The following ATOSA variants were observed in gnomAD, a reference collection of about 807,000 sequenced individuals.
ATOSA encodes the protein atos homolog protein A.
the ATOSA span, among the ~76,000 whole-genome samples, chr15:52,607,366 G>T: frequency 1.3e-5 from 2 of 152,168 alleles, no homozygotes; most frequent in African/African-American, 4.8e-5. Context: ...TTTGCTCTAA[G>T]AATTGTTTAT....
At chr15:52,581,928 A>T in the ATOSA span, 7 of 387,444 alleles carry the variant, frequency 1.8e-5, no homozygotes, top group Admixed American at 4.5e-5. Flanking sequence ...CTATTGCAAC[A>T]TGTCCAATGA....
chr15:52,640,402 C>T, the ATOSA span, among the ~76,000 whole-genome samples: 1 of 151,482 alleles, frequency 6.6e-6, no homozygotes, highest in Admixed American at 6.6e-5. Context: ...CCCGACTCTA[C>T]TAAAAATACA....
At chr15:52,704,442 A>G in the ATOSA span, among the ~76,000 whole-genome samples, 5 of 152,218 alleles carry the variant, frequency 3.3e-5, no homozygotes, top group African/African-American at 1.2e-4. Flanking sequence ...GGACATAGGC[A>G]TGGGCAAAGG....
At chr15:52,593,407 C>A in the ATOSA span, 1 of 577,110 alleles carries the variant, frequency 1.7e-6, no homozygotes, top group African/African-American at 1.9e-5. Context: ...AAGAGGTTAT[C>A]TGTTGTTTGA....
the ATOSA span, among the ~76,000 whole-genome samples, chr15:52,583,638 G>A: frequency 1.3e-5 from 2 of 152,116 alleles, no homozygotes; most frequent in Admixed American, 6.5e-5. Context: ...CACCCACCTC[G>A]GCCTCCCAGA....
chr15:52,699,769 G>A, the ATOSA span, among the ~76,000 whole-genome samples: 1 of 152,080 alleles, frequency 6.6e-6, no homozygotes, highest in Non-Finnish European at 1.5e-5. Context: ...GTGGGAGTGT[G>A]CCCAGGTTAA....
chr15:52,617,535 A>AT, the ATOSA span, among the ~76,000 whole-genome samples: 2 of 152,170 alleles, frequency 1.3e-5, no homozygotes, highest in Admixed American at 1.3e-4. Flanking sequence ...TTAAATAATG[A>AT]TTTTGAAATT....
the ATOSA span, chr15:52,584,967 A>C: frequency 2.6e-6 from 4 of 1,542,810 alleles, no homozygotes; most frequent in Non-Finnish European, 3.5e-6. Flanking sequence ...TATAGAAATT[A>C]TTCTTTAAAA....
chr15:52,642,735 T>C, the ATOSA span, among the ~76,000 whole-genome samples: 2 of 152,276 alleles, frequency 1.3e-5, no homozygotes, highest in East Asian at 3.9e-4. Flanking sequence ...CATATCTGAC[T>C]CCTCACCATT....
the ATOSA span, among the ~76,000 whole-genome samples, chr15:52,697,985 T>C: frequency 5.5e-5 from 7 of 126,604 alleles, no homozygotes; most frequent in Non-Finnish European, 1.1e-4. Flanking sequence ...TTTTTTTTTT[T>C]TTTTTTTGTG....
chr15:52,692,548 T>G, the ATOSA span, among the ~76,000 whole-genome samples: 42 of 152,272 alleles, frequency 2.8e-4, no homozygotes, highest in Admixed American at 2.1e-3. Context: ...GAGACAGGGT[T>G]TCACCATATT....
the ATOSA span, chr15:52,593,557 T>C: frequency 1.3e-6 from 2 of 1,538,234 alleles, no homozygotes; most frequent in Non-Finnish European, 1.8e-6. Flanking sequence ...CAGGAAAACA[T>C]ACAATATAAA....
At chr15:52,590,865 C>T in the ATOSA span, 16 of 152,288 alleles carry the variant, frequency 1.1e-4, no homozygotes, top group Non-Finnish European at 2.2e-4. Context: ...ATAGTTGACT[C>T]AAGAATGTTA....
At chr15:52,709,561 ACG>A in the ATOSA span, among the ~76,000 whole-genome samples, 1 of 152,152 alleles carries the variant, frequency 6.6e-6, no homozygotes, top group Non-Finnish European at 1.5e-5. Context: ...CCAAGACTGC[ACG>A]CAGCTTCCAC....
the ATOSA span, among the ~76,000 whole-genome samples, chr15:52,602,646 C>T: frequency 6.6e-6 from 1 of 152,116 alleles, no homozygotes; most frequent in Non-Finnish European, 1.5e-5. Flanking sequence ...GAACCCCTAC[C>T]ATGTGTGGCT....
At chr15:52,708,804 G>A in the ATOSA span, among the ~76,000 whole-genome samples, 3 of 151,976 alleles carry the variant, frequency 2.0e-5, no homozygotes, top group Admixed American at 2.0e-4. Context: ...CTAACATATT[G>A]TGGAGGCTAC....
chr15:52,606,446 C>G, the ATOSA span, among the ~76,000 whole-genome samples: 2 of 152,244 alleles, frequency 1.3e-5, no homozygotes, highest in Admixed American at 6.5e-5. Flanking sequence ...TATAGTTTCC[C>G]TAGCTCAAGG....
the ATOSA span, chr15:52,582,333 C>T: frequency 3.9e-6 from 6 of 1,531,008 alleles, no homozygotes; most frequent in Non-Finnish European, 5.2e-6. Context: ...AAATATAAAA[C>T]ATTTCAGAGA....
the ATOSA span, among the ~76,000 whole-genome samples, chr15:52,686,069 CTTATTAG>C: frequency 6.6e-6 from 1 of 152,132 alleles, no homozygotes; most frequent in East Asian, 1.9e-4. Flanking sequence ...TCTCTTCATA[CTTATTAG>C]AGGGTCACAC....
Sources: gnomAD v4.1 joint callset for allele counts (sites outside exome capture counted in the v4.1 genomes callset) on GRCh38, gnomAD v4.1.1 for gene constraint, MANE v1.5 for transcripts, NCBI Gene and HGNC (gene_info 2026-07-23, HGNC 2026-07-21) for gene names.